The following MTARC1 variants were observed in gnomAD, a reference collection of about 807,000 sequenced individuals.
MTARC1 encodes mitochondrial amidoxime-reducing component 1.
A neutral mutation model predicts 33.6 loss-of-function variants in MTARC1; 24 were observed. That is an observed-to-expected ratio of 0.72 (90% CI 0.52 to 1.01). The LOEUF is 1.01. MTARC1 is among the 50% of genes least tolerant of loss of function. The probability of loss-of-function intolerance (pLI) is 0.00; values close to 1 mark genes in which losing one functional copy is unlikely to be tolerated. For synonymous variants in MTARC1, 187 were observed against 189.5 expected, an observed-to-expected ratio of 0.99 and a Z score of 0.11; for missense variants, 417 against 445.7, an observed-to-expected ratio of 0.94 and a Z score of 0.58.
intron 2 of MTARC1, among the ~76,000 whole-genome samples, chr1:220,792,443 T>C (rs1197676694): frequency 6.6e-6 from 1 of 152,230 alleles, no homozygotes; most frequent in Non-Finnish European, 1.5e-5. Flanking sequence ...GAATGTAGTT[T>C]ATAGCCTATC....
chr1:220,791,689 CT>C (rs758466044), intron 2 of MTARC1, 25 bp downstream of exon 2: 6 of 1,605,596 alleles, frequency 3.7e-6, no homozygotes, highest in Middle Eastern at 1.7e-4. Context: ...GGTCGTAGCC[CT>C]TGTGTGAATG....
rs145470313 is a variant in MTARC1 at position 220,799,550 on chromosome 1, T to G, written c.753+1536T>G. On this transcript the variant is annotated intron_variant, in intron 4 of 6. Transcript: ENST00000366910. ...GAGGGTTTTGAATGAATACTTGTGT[T>G]GCGCTTAAGTATGTTGTCTCTTCTA... Among the ~76,000 whole-genome samples, 760 of 152,274 alleles carry G rather than the reference T, an allele frequency of 5.0e-3. 9 individuals carry two copies. The highest frequency in any genetic ancestry group is 0.018 in the African/African-American group (736 of 41,548).
At chr1:220,795,684 C>G (rs72470597) in intron 2 of MTARC1, among the ~76,000 whole-genome samples, 1 of 152,028 alleles carries the variant, frequency 6.6e-6, no homozygotes, top group Non-Finnish European at 1.5e-5. Flanking sequence ...ATATGGCTAC[C>G]TATATAATTT....
intron 3 of MTARC1, 73 bp downstream of exon 3, chr1:220,796,878 A>T: frequency 2.7e-6 from 4 of 1,479,752 alleles, no homozygotes; most frequent in Non-Finnish European, 2.7e-6. Context: ...GGCATCTCTG[A>T]TGACCTCGGC....
At chr1:220,798,117 A>G in intron 4 of MTARC1, 103 bp downstream of exon 4, 1 of 1,611,234 alleles carries the variant, frequency 6.2e-7, no homozygotes. Context: ...TGCATTATTT[A>G]TCAACTCTGT....
intron 1 of MTARC1, among the ~76,000 whole-genome samples, chr1:220,788,132 G>C (rs1672303032): frequency 6.6e-6 from 1 of 152,218 alleles, no homozygotes. Context: ...CACAGCAGCA[G>C]AACCAGGACT....
rs1455301806 is a variant in MTARC1 at position 220,804,132 on chromosome 1, C to T, written c.754-920C>T. Among the ~76,000 whole-genome samples, 3 of 152,122 alleles carry T rather than the reference C, an allele frequency of 2.0e-5. No homozygotes were observed. The East Asian group carries it at 5.8e-4, about 29-fold the overall frequency. ...CAAATGTCCTTTGCCTCCTCAGCGCCCTTCCTTCTTATTGCTGTCCCCTCT... is the reference window on the plus strand; with the variant it reads ...CAAATGTCCTTTGCCTCCTCAGCGCTCTTCCTTCTTATTGCTGTCCCCTCT... On this transcript the variant is annotated intron_variant, in intron 4 of 6. Coordinates refer to ENST00000366910, the MANE Select transcript of MTARC1 (RefSeq NM_022746.4).
rs111744280 is a variant in MTARC1, at chr1:220,791,485, C to T, written c.276-6C>T. The T allele has an allele frequency of 8.0e-5, 129 of 1,613,340 alleles. No homozygotes were observed. In the Middle Eastern group the frequency reaches 1.7e-3, roughly 21 times the overall value. ...TCACACATATCCTGTGTTTTGAAAA[C>T]GGCAGGTTTTGGCTTGTGATCAACC... On this transcript the variant is annotated splice_polypyrimidine_tract_variant and splice_region_variant and intron_variant, in intron 1 of 6. Transcript: ENST00000366910.
At chr1:220,796,405 C>G (rs1672618724) in intron 2 of MTARC1, among the ~76,000 whole-genome samples, 1 of 152,166 alleles carries the variant, frequency 6.6e-6, no homozygotes, top group African/African-American at 2.4e-5. Flanking sequence ...TAGGGAGACA[C>G]AGTTGTACAA....
intron 2 of MTARC1, among the ~76,000 whole-genome samples, chr1:220,796,252 T>A (rs544479565): frequency 6.6e-6 from 1 of 152,282 alleles, no homozygotes; most frequent in South Asian, 2.1e-4. Flanking sequence ...GAATAAAGAT[T>A]TCTGGTCGCT....
At chr1:220,810,689 G>A (rs1673105611) in intron 6 of MTARC1, among the ~76,000 whole-genome samples, 1 of 150,822 alleles carries the variant, frequency 6.6e-6, no homozygotes, top group Non-Finnish European at 1.5e-5. Flanking sequence ...TTGGCAGGAA[G>A]GGATAGGTGA....
chr1:220,793,880 G>A (rs1258145739), intron 2 of MTARC1: 1 of 152,140 alleles, frequency 6.6e-6, no homozygotes, highest in African/African-American at 2.4e-5. Context: ...ATACAGCAGA[G>A]GCCAATCAGA....
chr1:220,788,060 T>G (rs1672301138), intron 1 of MTARC1, among the ~76,000 whole-genome samples: 1 of 152,152 alleles, frequency 6.6e-6, no homozygotes, highest in African/African-American at 2.4e-5. Context: ...GATGCTATTT[T>G]CCCCAATTCT....
intron 6 of MTARC1, among the ~76,000 whole-genome samples, chr1:220,809,262 T>A (rs183705273): frequency 6.6e-6 from 1 of 152,330 alleles, no homozygotes; most frequent in Non-Finnish European, 1.5e-5. Flanking sequence ...GATATAGGAT[T>A]TTTATAGATG....
At chr1:220,796,850 A>C in intron 3 of MTARC1, 45 bp downstream of exon 3, 1 of 1,539,730 alleles carries the variant, frequency 6.5e-7, no homozygotes, top group Non-Finnish European at 8.7e-7. Flanking sequence ...AGTCACCCCC[A>C]GATCAGGGGG....
In MTARC1 at chr1:220,796,685, C is replaced by T. The variant is rs748911732; in HGVS notation, c.492C>T (p.Ala164=). Residue 164 remains alanine (A), a synonymous_variant, in exon 3 of 7, where the codon GCC becomes GCT. Coordinates refer to ENST00000366910, the MANE Select transcript of MTARC1 (RefSeq NM_022746.4). ...LEIEGRDCGE[A]TAQWITSFLK... ...TAGAGGGCAGGGACTGTGGCGAGGC[C>T]ACCGCCCAGTGGATAACCAGCTTCC... 1.1e-5 allele frequency: 18 copies of T among 1,611,808 alleles called. No homozygotes were observed. Among genetic ancestry groups the T allele is most frequent in the African/African-American group, 6.7e-5 (5 of 74,772 alleles).
At chr1:220,789,085 A>C (rs1672339030) in intron 1 of MTARC1, among the ~76,000 whole-genome samples, 1 of 151,978 alleles carries the variant, frequency 6.6e-6, no homozygotes, top group African/African-American at 2.4e-5. Flanking sequence ...GACACGTGCC[A>C]GGGTGCCAGC....
chr1:220,802,755 G>A (rs1388879033), intron 4 of MTARC1, among the ~76,000 whole-genome samples: 1 of 152,202 alleles, frequency 6.6e-6, no homozygotes, highest in Non-Finnish European at 1.5e-5. Flanking sequence ...CCCAGCCCCA[G>A]CCATGTCGGC....
intron 4 of MTARC1, among the ~76,000 whole-genome samples, chr1:220,803,253 C>T (rs1368286214): frequency 6.6e-6 from 1 of 152,100 alleles, no homozygotes; most frequent in East Asian, 1.9e-4. Context: ...ACCATCAGAT[C>T]TCATGAGATT....
Sources: gnomAD v4.1 joint callset for allele counts (sites outside exome capture counted in the v4.1 genomes callset) on GRCh38, gnomAD v4.1.1 for gene constraint, MANE v1.5 for transcripts, NCBI Gene and HGNC (gene_info 2026-07-23, HGNC 2026-07-21) for gene names.